The following WARS1 variants were observed in gnomAD, a reference collection of about 807,000 sequenced individuals.
WARS1 encodes tryptophanyl-tRNA synthetase 1.
In WARS1, 17 loss-of-function variants were observed where a neutral mutation model predicts 47.8. The ratio of observed to expected loss-of-function variants is 0.36; its 90% CI spans 0.24 to 0.53. The LOEUF is 0.53. Among genes scored for constraint, WARS1 ranks in the 20% least tolerant of loss-of-function variants. WARS1 has a pLI of 0.91. For missense variants in WARS1, 434 were observed against 608.0 expected (o/e 0.71, Z 3.01); for synonymous variants, 208 against 228.1 (o/e 0.91, Z 0.79).
chr14:100,338,572 AC>A (rs1342407743), intron 9 of WARS1, among the ~76,000 whole-genome samples: 8 of 143,244 alleles, frequency 5.6e-5, no homozygotes, highest in Admixed American at 2.8e-4. Flanking sequence ...CAGCCCCTTA[AC>A]TTTTTTTTTT....
intron 6 of WARS1, among the ~76,000 whole-genome samples, chr14:100,348,386 ACG>A (rs1367680085): frequency 1.4e-5 from 2 of 143,910 alleles, no homozygotes; most frequent in African/African-American, 2.5e-5. Flanking sequence ...CAGAGGCAGC[ACG>A]TGAGGGATGG....
In WARS1 at chr14:100,336,218, G is replaced by A. The variant is rs1893717292; in HGVS notation, c.1254+844C>T. Among the ~76,000 whole-genome samples the A allele has an allele frequency of 2.0e-5, 3 of 147,688 alleles. No individual in the cohort carries two copies. The South Asian group carries it at 6.4e-4, about 31-fold the overall frequency. ...GTGAACCCGGGAGGCAGAGCTTGCA[G>A]TGAGCCGAGATTGCGCCACTGCACT... On this transcript the variant is annotated intron_variant, in intron 10 of 10. Coordinates refer to ENST00000392882, the MANE Select transcript of WARS1 (RefSeq NM_004184.4).
At position 100,354,526 on chromosome 14, in the gene WARS1, G is replaced by A. The variant is rs147330798; in HGVS notation, c.463C>T (p.Pro155Ser). The A allele has an allele frequency of 1.4e-5, 22 of 1,613,648 alleles. No individual in the cohort carries two copies. The African/African-American group carries it at 2.8e-4, about 21-fold the overall frequency. ...QVLDAYENKK[P>S]FYLYTGRGPS... is the part of the protein sequence containing the mutation. ...CCCCGGCCCGTGTACAGATAAAATG[G>A]CTTCTTATTTTCATAGGCATCAAGA... Residue 155 changes from proline to serine, a missense_variant, in exon 5 of 11, where the codon CCA (proline) becomes TCA (serine). Physicochemically the swap from Pro to Ser is moderately conservative, Grantham distance 74. Transcript: ENST00000392882.
At chr14:100,347,118 G>T (rs1398218535) in intron 6 of WARS1, among the ~76,000 whole-genome samples, 33 of 152,208 alleles carry the variant, frequency 2.2e-4, no homozygotes, top group Admixed American at 1.8e-3. Context: ...ATACAAACAA[G>T]GCAAGAACAC....
rs553027513 is a variant in WARS1, at chr14:100,366,244, C to G, written c.99+2843G>C. 8.5e-5 allele frequency among the ~76,000 whole-genome samples: 13 copies of G among 152,282 alleles called. 1 individual carries two copies. In the South Asian group the frequency reaches 2.3e-3, roughly 27 times the overall value. On this transcript the variant is annotated intron_variant, in intron 2 of 10. Transcript: ENST00000392882. ...AGAACTCTGGCAGCGGGACTCACCCCCTCTGAACAGTGGACTGGGGGAGCT... is the reference window on the plus strand; with the variant it reads ...AGAACTCTGGCAGCGGGACTCACCCGCTCTGAACAGTGGACTGGGGGAGCT...
intron 9 of WARS1, among the ~76,000 whole-genome samples, chr14:100,337,833 C>T (rs943051733): frequency 1.3e-5 from 2 of 151,704 alleles, no homozygotes; most frequent in African/African-American, 4.8e-5. Context: ...ACGCCAGCCT[C>T]GGCGACAGAG....
rs918591942 is a variant in WARS1 at position 100,356,405 on chromosome 14, G to C, written c.423-1839C>G. Among the ~76,000 whole-genome samples, 7 of 149,370 alleles carry C rather than the reference G, an allele frequency of 4.7e-5. No homozygotes were observed. In the East Asian group the frequency reaches 5.9e-4, roughly 13 times the overall value. On this transcript the variant is annotated intron_variant, in intron 4 of 10. Coordinates refer to ENST00000392882, the MANE Select transcript of WARS1 (RefSeq NM_004184.4). ...TGGGTGTGTGTGTGTGTGTGGGGGG[G>C]GGTGTGGAATAAAAGAGAAGACTCA...
chr14:100,354,844 C>G (rs922281212), intron 4 of WARS1, among the ~76,000 whole-genome samples: 2 of 152,168 alleles, frequency 1.3e-5, no homozygotes, highest in African/African-American at 4.8e-5. Context: ...TGGAATCCCT[C>G]CAAACATCAG....
chr14:100,365,594 A>G, intron 2 of WARS1: 1 of 201,048 alleles, frequency 5.0e-6, no homozygotes, highest in South Asian at 6.7e-5. Flanking sequence ...AAAAAAAAAA[A>G]AAAAAAGTGA....
At position 100,346,736 on chromosome 14, in the gene WARS1, G is replaced by A. The variant is rs764556218; in HGVS notation, c.826+10C>T. On this transcript the variant is annotated intron_variant, in intron 7 of 10. Transcript: ENST00000392882. ...CAGGGAGTGGTCCACAGCAGCAGTG[G>A]GCCTCTTACCAATGCAGTCGCTGTC... is the stretch of plus-strand genomic sequence containing the variant. 6.2e-7 allele frequency: 1 copy of A among 1,609,650 alleles called. No individual in the cohort carries two copies. Among genetic ancestry groups the A allele is most frequent in the Non-Finnish European group, 8.5e-7 (1 of 1,176,026 alleles).
At chr14:100,351,925 G>A (rs1053185403) in intron 6 of WARS1, among the ~76,000 whole-genome samples, 38 of 151,668 alleles carry the variant, frequency 2.5e-4, no homozygotes, top group African/African-American at 8.0e-4. Context: ...CCTGAGAGGC[G>A]GAGCTTGCAG....
At chr14:100,348,667 G>A (rs1396842955) in intron 6 of WARS1, among the ~76,000 whole-genome samples, 1 of 152,164 alleles carries the variant, frequency 6.6e-6, no homozygotes, top group Non-Finnish European at 1.5e-5. Context: ...AGCCAGTAAG[G>A]ACAGCAGCTG....
chr14:100,352,535 G>A (rs1895063979), intron 6 of WARS1, among the ~76,000 whole-genome samples: 2 of 152,174 alleles, frequency 1.3e-5, no homozygotes, highest in Admixed American at 1.3e-4. Flanking sequence ...TCCTGCCTCG[G>A]CATGGTCCCT....
chr14:100,370,798 A>G (rs1226438210), intron 1 of WARS1, among the ~76,000 whole-genome samples: 11 of 144,444 alleles, frequency 7.6e-5, no homozygotes, highest in Non-Finnish European at 6.1e-5. Flanking sequence ...AAAAAAAATT[A>G]GCTGGGCATG....
intron 2 of WARS1, among the ~76,000 whole-genome samples, chr14:100,365,304 G>C (rs1895898538): frequency 1.3e-5 from 2 of 152,046 alleles, no homozygotes; most frequent in South Asian, 4.1e-4. Context: ...GTCGGGCCGG[G>C]CGTGGTGGCT....
chr14:100,346,585 A>T (rs1329931954), intron 7 of WARS1, among the ~76,000 whole-genome samples, 161 bp downstream of exon 7: 1 of 152,220 alleles, frequency 6.6e-6, no homozygotes, highest in South Asian at 2.1e-4. Flanking sequence ...GTCAGATTCC[A>T]GGACAACGAT....
At chr14:100,376,253 C>A (rs944862558), upstream of WARS1, 5 of 558,674 alleles carry the variant, frequency 8.9e-6, no homozygotes, top group East Asian at 3.9e-5. Context: ...TTACTCCCCT[C>A]GCTTACCCTG....
intron 6 of WARS1, among the ~76,000 whole-genome samples, chr14:100,350,389 C>T (rs2139983149): frequency 3.0e-4 from 1 of 3,368 alleles, no homozygotes; most frequent in Admixed American, 3.1e-3. Flanking sequence ...AAGACTCCAT[C>T]TCAAAAAAAG....
intron 10 of WARS1, 107 bp downstream of exon 10, chr14:100,336,955 A>C: frequency 5.5e-6 from 8 of 1,459,440 alleles, no homozygotes; most frequent in Non-Finnish European, 6.5e-6. Context: ...GTTTCAGTTG[A>C]GCACCTCCGA....
Sources: allele counts gnomAD v4.1 joint callset (sites outside exome capture counted in the v4.1 genomes callset), GRCh38; gene constraint gnomAD v4.1.1; transcripts MANE v1.5; gene names NCBI Gene and HGNC (gene_info 2026-07-23, HGNC 2026-07-21).